Variants in NME7 observed in about 807,000 individuals in gnomAD.
NME7 encodes NME/NM23 family member 7.
NME7 carries 41 observed loss-of-function variants against 49.1 expected under a neutral mutation model. That is an observed-to-expected ratio of 0.83 (90% CI 0.65 to 1.08). NME7 has a LOEUF of 1.08. Among genes scored for constraint, NME7 ranks in the 50% least tolerant of loss-of-function variants. The pLI, the probability that NME7 is intolerant of heterozygous loss-of-function variation, is 0.00. For missense variants in NME7, 423 were observed against 463.4 expected (o/e 0.91, Z 0.80); for synonymous variants, 139 against 150.6 (o/e 0.92, Z 0.56).
At chr1:169,291,471 G>T (rs1650498640) in intron 6 of NME7, among the ~76,000 whole-genome samples, 1 of 151,972 alleles carries the variant, frequency 6.6e-6, no homozygotes, top group African/African-American at 2.4e-5. Context: ...GAGAACACAA[G>T]GAGGGGAACA....
At chr1:169,203,265 C>G (rs1660595657) in intron 10 of NME7, among the ~76,000 whole-genome samples, 1 of 152,126 alleles carries the variant, frequency 6.6e-6, no homozygotes, top group African/African-American at 2.4e-5. Context: ...AATGAGACAC[C>G]CAGCCCTCAA....
chr1:169,265,867 A>C (rs1649302779), intron 7 of NME7, among the ~76,000 whole-genome samples: 1 of 133,054 alleles, frequency 7.5e-6, no homozygotes, highest in Non-Finnish European at 1.8e-5. Context: ...AAAATCTAAA[A>C]TAAATGAGTA....
chr1:169,345,128 T>C (rs1377502500), intron 1 of NME7, among the ~76,000 whole-genome samples: 1 of 152,202 alleles, frequency 6.6e-6, no homozygotes, highest in Non-Finnish European at 1.5e-5. Flanking sequence ...AAGTTGTTCA[T>C]AGTATTCCCT....
intron 10 of NME7, among the ~76,000 whole-genome samples, chr1:169,216,337 T>C (rs1168651641): frequency 6.6e-6 from 1 of 152,178 alleles, no homozygotes; most frequent in Non-Finnish European, 1.5e-5. Flanking sequence ...CAATCATCAG[T>C]GGCCAATAAT....
At chr1:169,246,674 G>T (rs185984414) in intron 7 of NME7, among the ~76,000 whole-genome samples, 1 of 152,066 alleles carries the variant, frequency 6.6e-6, no homozygotes, top group Non-Finnish European at 1.5e-5. Flanking sequence ...GAACTCCTGG[G>T]CTTAAGTGAT....
chr1:169,156,128 G>C (rs1258932813), intron 11 of NME7, among the ~76,000 whole-genome samples: 1 of 148,460 alleles, frequency 6.7e-6, no homozygotes, highest in Non-Finnish European at 1.5e-5. Context: ...GAGCAGCCTG[G>C]GCAACACAGG....
intron 11 of NME7, among the ~76,000 whole-genome samples, chr1:169,147,794 AG>A (rs1385589720): frequency 5.9e-5 from 9 of 152,206 alleles, no homozygotes; most frequent in Non-Finnish European, 1.3e-4. Flanking sequence ...TGCTTAAGAA[AG>A]TGTGACTTTG....
intron 10 of NME7, among the ~76,000 whole-genome samples, chr1:169,181,835 G>A (rs1013161084): frequency 2.0e-5 from 3 of 151,994 alleles, no homozygotes; most frequent in Non-Finnish European, 2.9e-5. Context: ...CATTATTCCT[G>A]AAGCCCTCCA....
chr1:169,285,718 A>G lies in NME7; in HGVS notation c.754+1585T>C, dbSNP rs373183171. ...GATTAAAAATAATGTATAAGGAACC[A>G]GTCTGCCACCTGGCACATAATGGTA... is the stretch of plus-strand genomic sequence containing the variant. On this transcript the variant is annotated intron_variant, in intron 7 of 11. Transcript: ENST00000367811. The G allele has an allele frequency of 3.9e-5, 6 of 152,190 alleles. No individual in the cohort carries two copies. The East Asian group carries it at 1.2e-3, about 29-fold the overall frequency. 9.4% of individuals were successfully genotyped at this position (152,190 alleles called of 1,614,324 possible).
chr1:169,274,082 A>G lies in NME7; in HGVS notation c.754+13221T>C, dbSNP rs1401440718. 3.1e-5 allele frequency among the ~76,000 whole-genome samples: 4 copies of G among 130,440 alleles called. 1 individual carries two copies. The highest frequency in any genetic ancestry group is 5.4e-5 in the Non-Finnish European group (3 of 55,480). The allele number at this position is 130,440 out of a possible 152,430, so 85.6% of individuals were successfully genotyped here. A position where few individuals can be genotyped will look rare whatever the true frequency, so the allele number is the denominator to read the frequency against. On this transcript the variant is annotated intron_variant, in intron 7 of 11. Transcript: ENST00000367811. ...GTTGAACTAGTTTACAGTCCCACCAACAGTGTAAAAGTGTTCCTATTTCTC... is the reference window on the plus strand; with the variant it reads ...GTTGAACTAGTTTACAGTCCCACCAGCAGTGTAAAAGTGTTCCTATTTCTC...
intron 7 of NME7, among the ~76,000 whole-genome samples, chr1:169,238,492 C>CACACACACAT (rs1553249020): frequency 7.1e-6 from 1 of 140,352 alleles, no homozygotes; most frequent in African/African-American, 2.5e-5. Context: ...CACACACACA[C>CACACACACAT]ACACACACAC....
intron 7 of NME7, among the ~76,000 whole-genome samples, chr1:169,238,943 T>C (rs1365628043): frequency 6.6e-6 from 1 of 152,064 alleles, no homozygotes; most frequent in Non-Finnish European, 1.5e-5. Flanking sequence ...ATTTTAGCCA[T>C]GCACTTGTAT....
chr1:169,135,335 G>A (rs922712417), intron 11 of NME7, among the ~76,000 whole-genome samples: 44 of 152,116 alleles, frequency 2.9e-4, no homozygotes, highest in African/African-American at 9.4e-4. Context: ...CAAAAGTTCC[G>A]TTATGAGAAC....
At chr1:169,168,732 G>A (rs770603543) in intron 11 of NME7, 57 of 388,116 alleles carry the variant, frequency 1.5e-4, no homozygotes, top group Admixed American at 4.0e-4. Context: ...GCTGTTGACC[G>A]GGAGCTTCAT....
In NME7 at chr1:169,184,157, A is replaced by G. The variant is rs1441670378; in HGVS notation, c.991-14603T>C. ...TACATTGTTTTTAAAAAAAAAAACA[A>G]AATTCCATTTCCTCAGTCATTCTCT... On this transcript the variant is annotated intron_variant, in intron 10 of 11. Transcript: ENST00000367811. 2.6e-5 allele frequency among the ~76,000 whole-genome samples: 4 copies of G among 152,194 alleles called. No homozygotes were observed. The East Asian group carries it at 5.8e-4, about 22-fold the overall frequency.
chr1:169,316,172 T>G (rs987111101), intron 3 of NME7, among the ~76,000 whole-genome samples: 5 of 151,956 alleles, frequency 3.3e-5, no homozygotes, highest in African/African-American at 1.2e-4. Flanking sequence ...AAATGTTGTT[T>G]CTATCAAAAT....
chr1:169,367,575 G>T, intron 1 of NME7, 133 bp downstream of exon 1: 2 of 970,702 alleles, frequency 2.1e-6, no homozygotes, highest in South Asian at 1.3e-5. Flanking sequence ...AACAGCCCGT[G>T]GGAAGGGGGA....
At chr1:169,351,571 A>G (rs1158079528) in intron 1 of NME7, among the ~76,000 whole-genome samples, 1 of 151,994 alleles carries the variant, frequency 6.6e-6, no homozygotes, top group Non-Finnish European at 1.5e-5. Flanking sequence ...AAAAGAAATA[A>G]TAAGATCATG....
rs114229586 is a variant in NME7, at chr1:169,190,494, G to A, written c.991-20940C>T. 7.8e-3 allele frequency: 2,131 copies of A among 272,570 alleles called. 45 individuals carry two copies. Among genetic ancestry groups the A allele is most frequent in the African/African-American group, 0.048 (2,024 of 42,488 alleles). 16.9% of individuals were successfully genotyped at this position (272,570 alleles called of 1,614,324 possible). A position where few individuals can be genotyped will look rare whatever the true frequency, so the allele number is the denominator to read the frequency against. Reference sequence around the variant, plus strand: ...AGTTTTAAAATTTTTAGTCTATTAGGTCTTGACTCTTTTCCATAATTTTTC... The same window carrying A: ...AGTTTTAAAATTTTTAGTCTATTAGATCTTGACTCTTTTCCATAATTTTTC... On this transcript the variant is annotated intron_variant, in intron 10 of 11. Coordinates refer to ENST00000367811, the MANE Select transcript of NME7 (RefSeq NM_013330.5).
Sources: allele counts gnomAD v4.1 joint callset (sites outside exome capture counted in the v4.1 genomes callset), GRCh38; gene constraint gnomAD v4.1.1; transcripts MANE v1.5; gene names NCBI Gene and HGNC (gene_info 2026-07-23, HGNC 2026-07-21).